Variants in COA1 observed in about 807,000 individuals in gnomAD.
COA1 encodes the protein cytochrome c oxidase assembly factor 1 homolog.
In COA1, 13 loss-of-function variants were observed where a neutral mutation model predicts 16.0. The observed-to-expected ratio is 0.81, with a 90% CI of 0.53 to 1.29. The LOEUF (loss-of-function observed/expected upper bound fraction) is 1.29. Ranked by LOEUF, COA1 falls within the 50% of genes most tolerant of loss-of-function variation. The pLI is 0.00. For missense variants in COA1, 179 were observed against 177.0 expected, an observed-to-expected ratio of 1.01 and a Z score of -0.06; for synonymous variants, 65 against 65.7, an observed-to-expected ratio of 0.99 and a Z score of 0.05.
In COA1 at chr7:43,648,653, C is replaced by G. The variant is rs1457458968; in HGVS notation, c.-38-1G>C. The G allele has an allele frequency of 1.2e-6, 2 of 1,607,306 alleles. No individual in the cohort carries two copies. The highest frequency in any genetic ancestry group is 4.5e-5 in the East Asian group (2 of 44,818). The stretch of plus-strand genomic sequence containing the variant: ...TGAAAATCATCAAAGGCAAGTTGTC[C>G]TGCAATTAGAAAAGATTTTACATTA... On this transcript the variant is annotated splice_acceptor_variant, in intron 1 of 5. Transcript: ENST00000223336. LOFTEE classifies it low-confidence loss of function (5UTR_SPLICE).
downstream of COA1, among the ~76,000 whole-genome samples, chr7:43,638,566 C>CTTTTTTTTTTTTTTT (rs746584234): frequency 2.1e-4 from 20 of 97,420 alleles, no homozygotes; most frequent in Admixed American, 3.3e-4. Flanking sequence ...TTTTTCTTTC[C>CTTTTTTTTTTTTTTT]TTTTTTTTTT....
rs545651268 is a variant in COA1 at position 43,725,018 on chromosome 7, C to A, written c.-39+4411G>T. Among the ~76,000 whole-genome samples, 8 of 152,338 alleles carry A rather than the reference C, an allele frequency of 5.3e-5. No homozygotes were observed. In the South Asian group the frequency reaches 1.4e-3, roughly 28 times the overall value. On this transcript the variant is annotated intron_variant, in intron 1 of 5. Transcript: ENST00000223336. ...CTTTGGGAGGCTGAGGTGGGCAGAT[C>A]ACCTGAGGTCGAGAGTTCAAGACCA...
chr7:43,722,509 T>C (rs559542991), intron 1 of COA1, among the ~76,000 whole-genome samples: 2 of 152,304 alleles, frequency 1.3e-5, no homozygotes, highest in East Asian at 3.9e-4. Flanking sequence ...AAGAGATTCT[T>C]GTGCCTCGTA....
At chr7:43,612,084 TTCTC>T (rs1482511628) in intron 6 of COA1, among the ~76,000 whole-genome samples, 3 of 152,238 alleles carry the variant, frequency 2.0e-5, no homozygotes, top group African/African-American at 7.2e-5. Flanking sequence ...TCATATTCCT[TTCTC>T]TCTAATACAC....
At chr7:43,635,700 C>T (rs1182263766), downstream of COA1, among the ~76,000 whole-genome samples, 1 of 152,202 alleles carries the variant, frequency 6.6e-6, no homozygotes, top group East Asian at 1.9e-4. Flanking sequence ...TATACCACTA[C>T]ATATCACTGG....
At chr7:43,633,186 T>G (rs934038761) in intron 6 of COA1, 1 of 152,226 alleles carries the variant, frequency 6.6e-6, no homozygotes, top group African/African-American at 2.4e-5. Context: ...TCATCGATGG[T>G]CCAAGCTAGA....
At chr7:43,642,089 A>C (rs1415765417) in intron 4 of COA1, 1 of 152,182 alleles carries the variant, frequency 6.6e-6, no homozygotes, top group Non-Finnish European at 1.5e-5. Flanking sequence ...CACCTGAAGG[A>C]AGGCACAAGA....
chr7:43,653,620 C>T (rs531091097), intron 1 of COA1, among the ~76,000 whole-genome samples: 2 of 152,156 alleles, frequency 1.3e-5, no homozygotes, highest in East Asian at 1.9e-4. Context: ...TTCTTAATCA[C>T]GAGGCAAGCT....
chr7:43,714,513 C>T (rs1384197891), intron 1 of COA1, among the ~76,000 whole-genome samples: 1 of 151,380 alleles, frequency 6.6e-6, no homozygotes, highest in African/African-American at 2.4e-5. Context: ...CCTGTAATCC[C>T]AGCTACTCGG....
intron 1 of COA1, among the ~76,000 whole-genome samples, chr7:43,657,839 A>T (rs142914430): frequency 6.6e-6 from 1 of 152,190 alleles, no homozygotes; most frequent in East Asian, 1.9e-4. Flanking sequence ...TAATTTGAAA[A>T]TGGGCAAAAA....
chr7:43,652,797 A>G (rs986317330), intron 1 of COA1, among the ~76,000 whole-genome samples: 1 of 140,198 alleles, frequency 7.1e-6, no homozygotes, highest in African/African-American at 2.6e-5. Context: ...TTGAATGGGC[A>G]TGGCCCACTG....
chr7:43,609,208 A>G (rs2082665188), exon 7 of COA1: 1 of 152,228 alleles, frequency 6.6e-6, no homozygotes, highest in Middle Eastern at 3.2e-3. Context: ...GTAAGATGGT[A>G]ATAAAGTAGG....
intron 1 of COA1, among the ~76,000 whole-genome samples, chr7:43,704,948 T>C (rs1013908023): frequency 7.9e-5 from 12 of 152,228 alleles, no homozygotes; most frequent in African/African-American, 2.7e-4. Flanking sequence ...CCTGTAATCT[T>C]TGAAGTTGTT....
chr7:43,659,728 T>C (rs978880209), intron 1 of COA1, among the ~76,000 whole-genome samples: 10 of 152,208 alleles, frequency 6.6e-5, no homozygotes, highest in Admixed American at 5.2e-4. Context: ...GTTTGCTTTC[T>C]ATTTCTCTGG....
chr7:43,638,566 CTTTTTTTTTTTTTT>C (rs746584234), downstream of COA1, among the ~76,000 whole-genome samples: 5 of 97,424 alleles, frequency 5.1e-5, no homozygotes, highest in South Asian at 1.3e-3. Flanking sequence ...TTTTTCTTTC[CTTTTTTTTTTTTTT>C]TTTTTTTTTT....
At position 43,702,212 on chromosome 7, in the gene COA1, T is replaced by C. The variant is rs991933622; in HGVS notation, c.-39+27217A>G. Among the ~76,000 whole-genome samples, 36 of 152,196 alleles carry C rather than the reference T, an allele frequency of 2.4e-4. 2 individuals are homozygous for C. The highest frequency in any genetic ancestry group is 2.4e-5 in the African/African-American group (1 of 41,462). On this transcript the variant is annotated intron_variant, in intron 1 of 5. Coordinates refer to ENST00000223336, the MANE Select transcript of COA1 (RefSeq NM_018224.4). Reference sequence around the variant, plus strand: ...GACATAACTGTCCTAGGTATTCTTCTAAAGTTTTTATAGTTTTAGATTTTA... The same window carrying C: ...GACATAACTGTCCTAGGTATTCTTCCAAAGTTTTTATAGTTTTAGATTTTA...
At chr7:43,682,763 T>C (rs978960795) in intron 1 of COA1, among the ~76,000 whole-genome samples, 6 of 152,270 alleles carry the variant, frequency 3.9e-5, no homozygotes, top group South Asian at 2.1e-4. Flanking sequence ...AATTCATAGG[T>C]AGCTATAAAC....
chr7:43,624,992 G>A, intron 6 of COA1: 3 of 684,980 alleles, frequency 4.4e-6, no homozygotes, highest in Non-Finnish European at 6.7e-6. Context: ...GTGGAGTTAG[G>A]TGGAAGCCAG....
intron 6 of COA1, chr7:43,623,467 T>C (rs960629421): frequency 8.0e-6 from 7 of 876,980 alleles, no homozygotes; most frequent in Admixed American, 2.4e-5. Flanking sequence ...AGCCCAAACG[T>C]TGGATAGTGC....
Sources: gnomAD v4.1 joint callset for allele counts (sites outside exome capture counted in the v4.1 genomes callset) on GRCh38, gnomAD v4.1.1 for gene constraint, MANE v1.5 for transcripts, NCBI Gene and HGNC (gene_info 2026-07-23, HGNC 2026-07-21) for gene names.